The following SCNN1B variants were observed in gnomAD, a reference collection of about 807,000 sequenced individuals.
SCNN1B encodes sodium channel epithelial 1 subunit beta.
A neutral mutation model predicts 65.3 loss-of-function variants in SCNN1B; 46 were observed. The ratio of observed to expected loss-of-function variants is 0.70; its 90% CI spans 0.56 to 0.90. SCNN1B has a LOEUF of 0.90. Ranked by LOEUF, SCNN1B falls within the 40% of genes least tolerant of loss-of-function variation. The pLI is 0.00. For missense variants in SCNN1B, 751 were observed against 830.5 expected (o/e 0.90, Z 1.18); for synonymous variants, 349 against 330.6 (o/e 1.06, Z -0.60).
At chr16:23,290,026 G>C (rs889014909) in intron 2 of SCNN1B, among the ~76,000 whole-genome samples, 2 of 152,040 alleles carry the variant, frequency 1.3e-5, no homozygotes, top group South Asian at 2.1e-4. Flanking sequence ...AAGTAAAAAG[G>C]CAAGAAACAG....
intron 1 of SCNN1B, among the ~76,000 whole-genome samples, chr16:23,343,180 CAT>C (rs1962087795): frequency 6.6e-6 from 1 of 152,098 alleles, no homozygotes; most frequent in Non-Finnish European, 1.5e-5. Flanking sequence ...CAGGGCTGGG[CAT>C]GGTGGCTCAT....
At chr16:23,303,287 A>G (rs886352364) in intron 1 of SCNN1B, among the ~76,000 whole-genome samples, 2 of 152,098 alleles carry the variant, frequency 1.3e-5, no homozygotes, top group African/African-American at 4.8e-5. Flanking sequence ...ACTCACCTCC[A>G]CCAGGGAGTA....
chr16:23,287,112 C>T (rs1226303813), intron 2 of SCNN1B, among the ~76,000 whole-genome samples: 2 of 150,734 alleles, frequency 1.3e-5, no homozygotes, highest in Non-Finnish European at 2.9e-5. Context: ...TCAAGTGGTT[C>T]TCTTGCCTCA....
upstream of SCNN1B, among the ~76,000 whole-genome samples, chr16:23,298,411 C>T (rs553671747): frequency 1.3e-5 from 2 of 152,176 alleles, no homozygotes; most frequent in African/African-American, 4.8e-5. Context: ...AGCAGCCTAG[C>T]AGTCATATTT....
At chr16:23,299,003 G>A (rs895399539), upstream of SCNN1B, among the ~76,000 whole-genome samples, 4 of 151,898 alleles carry the variant, frequency 2.6e-5, no homozygotes, top group Admixed American at 6.6e-5. Flanking sequence ...TAACGTATTG[G>A]GTTGAACCAT....
chr16:23,358,096 C>T (rs928224809), intron 4 of SCNN1B: 2 of 152,290 alleles, frequency 1.3e-5, no homozygotes, highest in Non-Finnish European at 2.9e-5. Context: ...CACAGCCCAG[C>T]CCCGAAAGCT....
chr16:23,335,741 C>T (rs1381068760), intron 1 of SCNN1B, among the ~76,000 whole-genome samples: 1 of 148,532 alleles, frequency 6.7e-6, no homozygotes, highest in Non-Finnish European at 1.5e-5. Flanking sequence ...GCCACTGTGC[C>T]CGGCCTCTAT....
chr16:23,290,735 A>G (rs1369695147), intron 2 of SCNN1B, among the ~76,000 whole-genome samples: 1 of 152,126 alleles, frequency 6.6e-6, no homozygotes, highest in East Asian at 1.9e-4. Context: ...TCAGCTGTAA[A>G]CCCTCACTAG....
chr16:23,377,256 C>A lies in SCNN1B; in HGVS notation c.1346+16C>A, dbSNP rs757204926. The A allele has an allele frequency of 6.2e-7, 1 of 1,614,012 alleles. No homozygotes were observed. The highest frequency in any genetic ancestry group is 8.5e-7 in the Non-Finnish European group (1 of 1,179,908). ...AGTCCTGCAAGTGAGTGCGGGTGGG[C>A]GGGCACAGCAGCGGGCAGGCATGGA... is the stretch of plus-strand genomic sequence containing the variant. On this transcript the variant is annotated intron_variant, in intron 9 of 12. Transcript: ENST00000343070.
chr16:23,369,014 A>G (rs1962729290), intron 5 of SCNN1B, among the ~76,000 whole-genome samples: 5 of 152,256 alleles, frequency 3.3e-5, no homozygotes, highest in Admixed American at 3.3e-4. Flanking sequence ...CCATGTAACA[A>G]AACTGCGCTT....
At chr16:23,334,333 G>A (rs929910884) in intron 1 of SCNN1B, among the ~76,000 whole-genome samples, 4 of 152,200 alleles carry the variant, frequency 2.6e-5, no homozygotes, top group Non-Finnish European at 4.4e-5. Context: ...TTCAGGGCTC[G>A]AATGAGTGAT....
intron 2 of SCNN1B, among the ~76,000 whole-genome samples, chr16:23,349,235 T>C (rs1010429830): frequency 1.3e-5 from 2 of 152,148 alleles, no homozygotes; most frequent in African/African-American, 4.8e-5. Flanking sequence ...AACAGCACTT[T>C]GAGAGGCAAA....
intron 4 of SCNN1B, among the ~76,000 whole-genome samples, chr16:23,360,181 G>C (rs955126194): frequency 6.2e-4 from 88 of 142,856 alleles, no homozygotes; most frequent in African/African-American, 2.2e-3. Flanking sequence ...CTGGGAGAGA[G>C]AGCGAGACTC....
chr16:23,347,247 C>T (rs1189872656), intron 1 of SCNN1B, among the ~76,000 whole-genome samples: 1 of 152,186 alleles, frequency 6.6e-6, no homozygotes, highest in African/African-American at 2.4e-5. Flanking sequence ...CTTCGCTTAA[C>T]ATCTGTCTTA....
chr16:23,327,402 G>T (rs796987607), intron 1 of SCNN1B, among the ~76,000 whole-genome samples: 1 of 151,872 alleles, frequency 6.6e-6, no homozygotes, highest in African/African-American at 2.4e-5. Flanking sequence ...GCATGGTGGT[G>T]CACGCCTGTA....
intron 7 of SCNN1B, among the ~76,000 whole-genome samples, chr16:23,375,336 G>C (rs1009527352): frequency 1.8e-4 from 28 of 152,216 alleles, no homozygotes; most frequent in African/African-American, 6.3e-4. Flanking sequence ...TTCCTCGGTG[G>C]CCTGTCAGGG....
At chr16:23,297,911 C>T (rs907604395), upstream of SCNN1B, among the ~76,000 whole-genome samples, 8 of 152,170 alleles carry the variant, frequency 5.3e-5, no homozygotes, top group African/African-American at 1.9e-4. Context: ...GTGTCCCCAA[C>T]TCTCCCACAC....
intron 1 of SCNN1B, among the ~76,000 whole-genome samples, chr16:23,341,972 G>A (rs1434808772): frequency 1.3e-5 from 2 of 152,098 alleles, no homozygotes; most frequent in Admixed American, 6.5e-5. Context: ...TCAGGAGTTC[G>A]AGACCACTCC....
chr16:23,320,402 C>G (rs1349449238), intron 1 of SCNN1B, among the ~76,000 whole-genome samples: 1 of 152,148 alleles, frequency 6.6e-6, no homozygotes, highest in Admixed American at 6.5e-5. Flanking sequence ...ATTGACTCTC[C>G]CCAAGGGTTG....
Sources: gnomAD v4.1 joint callset for allele counts (sites outside exome capture counted in the v4.1 genomes callset) on GRCh38, gnomAD v4.1.1 for gene constraint, MANE v1.5 for transcripts, NCBI Gene and HGNC (gene_info 2026-07-23, HGNC 2026-07-21) for gene names.